The following PROS1 variants were observed in gnomAD, a reference collection of about 807,000 sequenced individuals.
The protein encoded by PROS1 is protein S, also known as vitamin K-dependent protein S.
Under a neutral mutation model 75.9 loss-of-function variants are expected in PROS1, and 29 were observed. That is an observed-to-expected ratio of 0.38 (90% confidence interval 0.28 to 0.52). The LOEUF (loss-of-function observed/expected upper bound fraction) is 0.52. Among genes scored for constraint, PROS1 ranks in the 20% least tolerant of loss-of-function variants. The pLI is 0.83. For synonymous variants in PROS1, 245 were observed against 280.6 expected (o/e 0.87, Z 1.27); for missense variants, 680 against 810.3 (o/e 0.84, Z 1.95).
chr3:93,930,240 T>C (rs1709087218), intron 1 of PROS1, among the ~76,000 whole-genome samples: 1 of 152,246 alleles, frequency 6.6e-6, no homozygotes, highest in Non-Finnish European at 1.5e-5. Flanking sequence ...GATCATGCTA[T>C]CTGCCAAGTG....
At chr3:93,957,606 G>A (rs1489281311) in intron 1 of PROS1, among the ~76,000 whole-genome samples, 1 of 152,120 alleles carries the variant, frequency 6.6e-6, no homozygotes, top group African/African-American at 2.4e-5. Context: ...TGATGGATAT[G>A]CTAATTTGCA....
At chr3:93,886,619 T>A in intron 10 of PROS1, 116 bp from the exon 11 acceptor site, 3 of 782,282 alleles carry the variant, frequency 3.8e-6, no homozygotes, top group Non-Finnish European at 6.2e-6. Flanking sequence ...AAGTAATCAT[T>A]TTAATGTAAT....
intron 1 of PROS1, among the ~76,000 whole-genome samples, chr3:93,951,511 G>A (rs935990933): frequency 1.3e-5 from 2 of 152,114 alleles, no homozygotes; most frequent in Non-Finnish European, 2.9e-5. Context: ...CATAAGTGAA[G>A]GAGAAATAAA....
At position 93,934,761 on chromosome 3, in the gene PROS1, G is replaced by T. The variant is rs1709156032; in HGVS notation, c.77-7354C>A. ...GTAGGCTGGCATTTATTTAGAAGTA[G>T]AAAAGCCACTGGTGGAATTAAAAAA... is the stretch of plus-strand genomic sequence containing the variant. On this transcript the variant is annotated intron_variant, in intron 1 of 14. Coordinates refer to ENST00000394236, the MANE Select transcript of PROS1 (RefSeq NM_000313.4). Among the ~76,000 whole-genome samples the T allele has an allele frequency of 3.3e-5, 5 of 151,870 alleles. No homozygotes were observed. The South Asian group carries it at 1.0e-3, about 32-fold the overall frequency.
At chr3:93,889,239 C>T (rs1708393109) in intron 10 of PROS1, among the ~76,000 whole-genome samples, 2 of 152,154 alleles carry the variant, frequency 1.3e-5, no homozygotes, top group Non-Finnish European at 2.9e-5. Context: ...GAATAACTAT[C>T]TGGCATATTT....
chr3:93,899,058 A>G (rs1208658590), intron 7 of PROS1, among the ~76,000 whole-genome samples: 2 of 152,066 alleles, frequency 1.3e-5, no homozygotes, highest in Admixed American at 6.6e-5. Context: ...CTGAAGGTTG[A>G]TACAATCAGG....
chr3:93,967,526 C>T (rs1709809914), intron 1 of PROS1, among the ~76,000 whole-genome samples: 1 of 152,208 alleles, frequency 6.6e-6, no homozygotes, highest in Non-Finnish European at 1.5e-5. Context: ...CACTGTAAGA[C>T]ACAACACTAT....
intron 1 of PROS1, among the ~76,000 whole-genome samples, chr3:93,940,233 C>A (rs527787060): frequency 6.6e-6 from 1 of 152,170 alleles, no homozygotes. Flanking sequence ...CCAAGGCTCT[C>A]GGATTGACGC....
At position 93,873,135 on chromosome 3, in the gene PROS1, TAA is replaced by T. The variant is rs1362496897; in HGVS notation, c.*1108_*1109del. 3 of 152,364 alleles carry T rather than the reference TAA, an allele frequency of 2.0e-5. No individual in the cohort carries two copies. The highest frequency in any genetic ancestry group is 2.9e-5 in the Non-Finnish European group (2 of 68,032). The allele number at this position is 152,364 out of a possible 1,614,324, so 9.4% of individuals were successfully genotyped here. On this transcript the variant is annotated 3_prime_UTR_variant, in exon 15 of 15. Coordinates refer to ENST00000394236, the MANE Select transcript of PROS1 (RefSeq NM_000313.4). ...TTTAAAATTATACACCGATTTATTA[TAA>T]GTGATATAAAATACAGTGAAAAGAA...
chr3:93,941,118 G>T (rs562768943), intron 1 of PROS1, among the ~76,000 whole-genome samples: 1 of 152,066 alleles, frequency 6.6e-6, no homozygotes, highest in African/African-American at 2.4e-5. Context: ...CTGCTGCAAG[G>T]CTTCAGGGAC....
In PROS1 at chr3:93,896,561, G is replaced by A. The variant is rs201912743; in HGVS notation, c.965+15C>T. The A allele has an allele frequency of 9.7e-6, 15 of 1,551,696 alleles. No homozygotes were observed. The highest frequency in any genetic ancestry group is 1.7e-4 in the Middle Eastern group (1 of 5,944). ...GCTTAACCTCTAGAAATTATCATTG[G>A]TATTGGTTCCTCACCTGCTGATTTC... On this transcript the variant is annotated intron_variant, in intron 9 of 14. Transcript: ENST00000394236.
At chr3:93,909,978 C>A (rs1264170766) in intron 4 of PROS1, among the ~76,000 whole-genome samples, 4 of 151,856 alleles carry the variant, frequency 2.6e-5, no homozygotes, top group Non-Finnish European at 4.4e-5. Flanking sequence ...AACTGTACTC[C>A]CTGTGTAATT....
At chr3:93,881,369 G>A (rs112754312) in intron 12 of PROS1, among the ~76,000 whole-genome samples, 2,500 of 152,066 alleles carry the variant, frequency 0.016, 83 homozygotes, top group African/African-American at 0.057. Flanking sequence ...AAAGATGGGA[G>A]GGTGGGAGGA....
rs535094810 is a variant in PROS1 at position 93,885,477 on chromosome 3, C to T, written c.1324-581G>A. The stretch of plus-strand genomic sequence containing the variant: ...CTGACCTCAGGTGATCCACCCGCCT[C>T]GGCCTCCCAAATTGCTGGGATTACA... On this transcript the variant is annotated intron_variant, in intron 11 of 14. Coordinates refer to ENST00000394236, the MANE Select transcript of PROS1 (RefSeq NM_000313.4). Among the ~76,000 whole-genome samples the T allele has an allele frequency of 3.9e-5, 6 of 152,268 alleles. No homozygotes were observed. In the South Asian group the frequency reaches 8.3e-4, roughly 21 times the overall value.
At chr3:93,957,362 A>AT (rs61579680) in intron 1 of PROS1, among the ~76,000 whole-genome samples, 1 of 152,190 alleles carries the variant, frequency 6.6e-6, no homozygotes, top group South Asian at 2.1e-4. Context: ...CTACAGATGC[A>AT]TTTTTTATTG....
intron 6 of PROS1, among the ~76,000 whole-genome samples, chr3:93,901,950 CTA>C (rs1163929132): frequency 6.6e-6 from 1 of 152,120 alleles, no homozygotes; most frequent in Non-Finnish European, 1.5e-5. Flanking sequence ...GCTAAAAACT[CTA>C]TGTTTTTGAA....
chr3:93,945,028 AC>A (rs1489555678), intron 1 of PROS1, among the ~76,000 whole-genome samples: 2 of 152,236 alleles, frequency 1.3e-5, no homozygotes, highest in African/African-American at 4.8e-5. Context: ...ATCAGAGAAT[AC>A]TATGAACACC....
chr3:93,920,724 T>C (rs1348538452), intron 3 of PROS1, among the ~76,000 whole-genome samples: 1 of 152,138 alleles, frequency 6.6e-6, no homozygotes, highest in Non-Finnish European at 1.5e-5. Flanking sequence ...TACCTAAATT[T>C]TATTCATTAG....
intron 2 of PROS1, among the ~76,000 whole-genome samples, chr3:93,925,188 A>G (rs1356619356): frequency 3.3e-5 from 5 of 152,220 alleles, no homozygotes; most frequent in Non-Finnish European, 7.3e-5. Flanking sequence ...AAGCCATAAT[A>G]TATCTAATGT....
Sources: gnomAD v4.1 joint callset for allele counts (sites outside exome capture counted in the v4.1 genomes callset) on GRCh38, gnomAD v4.1.1 for gene constraint, MANE v1.5 for transcripts, NCBI Gene and HGNC (gene_info 2026-07-23, HGNC 2026-07-21) for gene names.